The following TMOD3 variants were observed in gnomAD, a reference collection of about 807,000 sequenced individuals.
TMOD3 encodes the protein tropomodulin 3.
In TMOD3, 20 loss-of-function variants were observed where a neutral mutation model predicts 39.2. The observed-to-expected ratio is 0.51, with a 90% confidence interval of 0.36 to 0.74. TMOD3 has a LOEUF of 0.74. Ranked by LOEUF, TMOD3 falls within the 30% of genes least tolerant of loss-of-function variation. The probability of loss-of-function intolerance (pLI) is 0.00; values close to 1 mark genes in which losing one functional copy is unlikely to be tolerated. For missense variants in TMOD3, 381 were observed against 412.8 expected, an observed-to-expected ratio of 0.92 and a Z score of 0.67; for synonymous variants, 143 against 145.8, an observed-to-expected ratio of 0.98 and a Z score of 0.14.
intron 8 of TMOD3, chr15:51,901,625 T>A: frequency 2.8e-6 from 1 of 358,986 alleles, no homozygotes; most frequent in Non-Finnish European, 5.2e-6. Context: ...AAAGTTCCAG[T>A]GAGGCTGTGG....
chr15:51,888,180 G>A lies in TMOD3; in HGVS notation c.406+469G>A, dbSNP rs940167472. ...GAAGTGTATATGAAACACTCCAAACGTCTCTATTATTTTCATTATTGTCAA... is the reference window on the plus strand; with the variant it reads ...GAAGTGTATATGAAACACTCCAAACATCTCTATTATTTTCATTATTGTCAA... On this transcript the variant is annotated intron_variant, in intron 4 of 9. Coordinates refer to ENST00000308580, the MANE Select transcript of TMOD3 (RefSeq NM_014547.5). Among the ~76,000 whole-genome samples, 5 of 152,094 alleles carry A rather than the reference G, an allele frequency of 3.3e-5. No homozygotes were observed. The East Asian group carries it at 5.8e-4, about 18-fold the overall frequency.
intron 8 of TMOD3, 93 bp from the exon 9 acceptor site, chr15:51,901,799 A>C (rs1476144587): frequency 7.6e-7 from 1 of 1,307,706 alleles, no homozygotes; most frequent in Non-Finnish European, 1.1e-6. Context: ...TAAAGAGATC[A>C]AAGAATTAGC....
intron 7 of TMOD3, among the ~76,000 whole-genome samples, chr15:51,898,070 C>T (rs908953212): frequency 1.3e-5 from 2 of 152,190 alleles, no homozygotes; most frequent in African/African-American, 4.8e-5. Context: ...CATTCCTATT[C>T]GGATAACCCT....
intron 1 of TMOD3, among the ~76,000 whole-genome samples, chr15:51,847,404 A>G (rs1163605497): frequency 1.3e-5 from 2 of 152,202 alleles, no homozygotes; most frequent in African/African-American, 4.8e-5. Flanking sequence ...TAGGTTGATT[A>G]GTTTCCATGG....
chr15:51,878,179 G>C (rs1425390608), intron 3 of TMOD3, among the ~76,000 whole-genome samples: 1 of 152,208 alleles, frequency 6.6e-6, no homozygotes, highest in Non-Finnish European at 1.5e-5. Context: ...GCTCACCTCT[G>C]TTTTTCCCAT....
chr15:51,889,428 C>A (rs1268608013), intron 5 of TMOD3, among the ~76,000 whole-genome samples: 1 of 152,060 alleles, frequency 6.6e-6, no homozygotes, highest in East Asian at 1.9e-4. Context: ...TTTATTATCA[C>A]TACTACTAAT....
intron 1 of TMOD3, among the ~76,000 whole-genome samples, chr15:51,845,832 A>G (rs1251203457): frequency 6.6e-6 from 1 of 151,880 alleles, no homozygotes; most frequent in Non-Finnish European, 1.5e-5. Context: ...CCTATTAATT[A>G]CATAGGTTTG....
intron 3 of TMOD3, among the ~76,000 whole-genome samples, chr15:51,879,321 G>A (rs2056520837): frequency 6.6e-6 from 1 of 151,440 alleles, no homozygotes; most frequent in South Asian, 2.1e-4. Flanking sequence ...TAACTTGGGG[G>A]TGGGGGATGT....
intron 7 of TMOD3, among the ~76,000 whole-genome samples, chr15:51,897,177 C>G (rs2056624976): frequency 6.6e-6 from 1 of 152,076 alleles, no homozygotes; most frequent in Non-Finnish European, 1.5e-5. Context: ...TTGGAATGGC[C>G]CAGAACGTGG....
Position 51,862,998 on chromosome 15 carries a change from T to C in TMOD3, c.114T>C (p.Asp38=). 1 of 1,613,016 alleles carries C rather than the reference T, an allele frequency of 6.2e-7. No individual in the cohort carries two copies. Among genetic ancestry groups the C allele is most frequent in the Non-Finnish European group, 8.5e-7 (1 of 1,179,518 alleles). Residue 38 remains aspartate, a synonymous_variant, in exon 2 of 10, where the codon GAT becomes GAC. Transcript: ENST00000308580. ...ELKQLETVLD[D]LDPENALLPA... is the part of the protein sequence containing the mutation. ...AACAACTGGAAACTGTTTTGGATGATCTTGACCCCGAGGTAGGTGCTAGGT... is the reference window on the plus strand; with the variant it reads ...AACAACTGGAAACTGTTTTGGATGACCTTGACCCCGAGGTAGGTGCTAGGT...
intron 3 of TMOD3, among the ~76,000 whole-genome samples, chr15:51,875,933 A>G (rs754860734): frequency 3.3e-5 from 5 of 151,884 alleles, no homozygotes; most frequent in African/African-American, 4.8e-5. Flanking sequence ...TACTGCTTTT[A>G]GTTGTTTCAG....
intron 2 of TMOD3, among the ~76,000 whole-genome samples, chr15:51,868,456 C>T (rs1295425747): frequency 6.6e-6 from 1 of 152,160 alleles, no homozygotes; most frequent in East Asian, 1.9e-4. Flanking sequence ...CCTCCACCCT[C>T]CTCTATGCTC....
chr15:51,878,599 C>T (rs186855472), intron 3 of TMOD3, among the ~76,000 whole-genome samples: 1 of 152,284 alleles, frequency 6.6e-6, no homozygotes, highest in Admixed American at 6.5e-5. Context: ...CTTTCTAGTT[C>T]ATTGTCTAGT....
intron 3 of TMOD3, among the ~76,000 whole-genome samples, chr15:51,874,619 C>T (rs985691759): frequency 1.3e-4 from 20 of 152,110 alleles, no homozygotes; most frequent in African/African-American, 4.6e-4. Context: ...GGCATAGAAC[C>T]TTGTCATGAA....
rs145238179 is a variant in TMOD3 at position 51,869,548 on chromosome 15, G to A, written c.283+175G>A. On this transcript the variant is annotated intron_variant, in intron 3 of 9. Coordinates refer to ENST00000308580, the MANE Select transcript of TMOD3 (RefSeq NM_014547.5). ...CTTTATTTACATTTTTCATCAACTT[G>A]GTCAATAAGTTTCTTCTTAATGATG... 8.9e-3 allele frequency among the ~76,000 whole-genome samples: 1,357 copies of A among 152,126 alleles called. 24 individuals are homozygous for A. Among genetic ancestry groups the A allele is most frequent in the Non-Finnish European group, 8.6e-3 (582 of 67,998 alleles).
At chr15:51,896,135 A>G (rs2056619344) in intron 6 of TMOD3, among the ~76,000 whole-genome samples, 1 of 152,154 alleles carries the variant, frequency 6.6e-6, no homozygotes, top group Non-Finnish European at 1.5e-5. Context: ...TAAAAGGAAT[A>G]ATGAAAGGTG....
intron 4 of TMOD3, 138 bp from the exon 5 acceptor site, chr15:51,888,918 T>C: frequency 1.7e-6 from 1 of 586,068 alleles, no homozygotes; most frequent in South Asian, 2.1e-5. Flanking sequence ...TTTTTAATCA[T>C]TTTGTTTTCT....
chr15:51,863,774 T>G (rs2056430946), intron 2 of TMOD3, among the ~76,000 whole-genome samples: 2 of 152,312 alleles, frequency 1.3e-5, no homozygotes, highest in East Asian at 3.9e-4. Context: ...ATGGAGTTCA[T>G]TTTATAACGT....
chr15:51,898,375 A>T (rs1046221880), intron 7 of TMOD3, among the ~76,000 whole-genome samples: 22 of 152,234 alleles, frequency 1.4e-4, no homozygotes, highest in East Asian at 1.9e-4. Flanking sequence ...ATAAAATACC[A>T]ACCCCATTCC....
Sources: allele counts gnomAD v4.1 joint callset (sites outside exome capture counted in the v4.1 genomes callset), GRCh38; gene constraint gnomAD v4.1.1; transcripts MANE v1.5; gene names NCBI Gene and HGNC (gene_info 2026-07-23, HGNC 2026-07-21).